Variants in TJP3 observed in about 807,000 individuals in gnomAD.
TJP3 encodes tight junction protein 3.
Under a neutral mutation model 104.2 loss-of-function variants are expected in TJP3, and 85 were observed. The ratio of observed to expected loss-of-function variants is 0.82; its 90% CI spans 0.68 to 0.98. The LOEUF (loss-of-function observed/expected upper bound fraction) is 0.98, where lower values mean the gene tolerates loss of function less well. Among genes scored for constraint, TJP3 ranks in the 50% least tolerant of loss-of-function variants. The probability of loss-of-function intolerance (pLI) is 0.00; values close to 1 mark genes in which losing one functional copy is unlikely to be tolerated. For missense variants in TJP3, 1,367 were observed against 1,322.8 expected (o/e 1.03, Z -0.52); for synonymous variants, 550 against 550.6 (o/e 1.00, Z 0.02).
intron 7 of TJP3, 158 bp from the exon 8 acceptor site, chr19:3,734,169 G>C: frequency 1.1e-6 from 1 of 900,336 alleles, no homozygotes; most frequent in Non-Finnish European, 1.7e-6. Context: ...TTATAGGCGT[G>C]AGCCACCGTG....
rs1477586046 is a variant in TJP3, at chr19:3,736,158, C to T, written c.1128-7C>T. ...TGCTCTGACCCCATCTCTGCCTCCC[C>T]TTGCAGGTACAGCCCCGACACGCGT... On this transcript the variant is annotated splice_region_variant and splice_polypyrimidine_tract_variant and intron_variant, in intron 10 of 20. Coordinates refer to ENST00000541714, the MANE Select transcript of TJP3 (RefSeq NM_001267560.2). 1 of 1,580,484 alleles carries T rather than the reference C, an allele frequency of 6.3e-7. No homozygotes were observed. The highest frequency in any genetic ancestry group is 2.2e-5 in the East Asian group (1 of 44,502).
chr19:3,746,210 G>A lies in TJP3; in HGVS notation c.2010+129G>A, dbSNP rs558457607. 11 of 990,764 alleles carry A rather than the reference G, an allele frequency of 1.1e-5. No individual in the cohort carries two copies. In the East Asian group the frequency reaches 1.3e-4, roughly 12 times the overall value. 61.4% of individuals were successfully genotyped at this position (990,764 alleles called of 1,614,324 possible). Reference sequence around the variant, plus strand: ...TGCAGTCTTCCATAGAGCCCCTTTTGGAGGCTTTGTGAGGCAGGAGGCCCG... The same window carrying A: ...TGCAGTCTTCCATAGAGCCCCTTTTAGAGGCTTTGTGAGGCAGGAGGCCCG... On this transcript the variant is annotated intron_variant, in intron 16 of 20. Coordinates refer to ENST00000541714, the MANE Select transcript of TJP3 (RefSeq NM_001267560.2). This position sits in a 1 kb window ranked among gnomAD's most constrained non-coding sequence, Gnocchi z 4.1.
chr19:3,743,954 C>G lies in TJP3; in HGVS notation c.1859C>G (p.Pro620Arg). 6.2e-7 allele frequency: 1 copy of G among 1,614,110 alleles called. No individual in the cohort carries two copies. Among genetic ancestry groups the G allele is most frequent in the Non-Finnish European group, 8.5e-7 (1 of 1,180,012 alleles). The change falls in exon 15 of 21, where the codon CCG (proline) becomes CGG (arginine). Residue 620 changes from proline to arginine, a missense_variant. Pro to Arg is a moderately radical substitution (Grantham distance 103, BLOSUM62 -2). Transcript: ENST00000541714. ...VVLREASFKR[P>R]VVILGPVADI... ...TACCCCTCAGCCAGTTTCAAGCGCC[C>G]GGTAGTGATCCTGGGACCCGTGGCC...
chr19:3,735,731 G>T, intron 9 of TJP3, 92 bp downstream of exon 9: 1 of 1,592,608 alleles, frequency 6.3e-7, no homozygotes, highest in Non-Finnish European at 8.6e-7. Context: ...GTTGGCCTGA[G>T]CCTAAGTGGT....
intron 15 of TJP3, among the ~76,000 whole-genome samples, 188 bp from the exon 16 acceptor site, chr19:3,745,823 G>C (rs2036879750): frequency 6.6e-6 from 1 of 152,228 alleles, no homozygotes; most frequent in Non-Finnish European, 1.5e-5. Context: ...AGGGGGCTGA[G>C]GTCAGGAGGG....
intron 1 of TJP3, among the ~76,000 whole-genome samples, chr19:3,714,978 A>C (rs2036463616): frequency 6.6e-6 from 1 of 152,246 alleles, no homozygotes; most frequent in Admixed American, 6.5e-5. Context: ...CAAATGAAGT[A>C]GATTGCTGAA....
Position 3,746,465 on chromosome 19 carries a change from C to T in TJP3, c.2011-20C>T, listed in dbSNP as rs762207544. The T allele has an allele frequency of 6.8e-6, 11 of 1,612,932 alleles. No homozygotes were observed. The highest frequency in any genetic ancestry group is 5.0e-5 in the Admixed American group (3 of 59,978). On this transcript the variant is annotated intron_variant, in intron 16 of 20. Coordinates refer to ENST00000541714, the MANE Select transcript of TJP3 (RefSeq NM_001267560.2). This position sits in a 1 kb window ranked among gnomAD's most constrained non-coding sequence, Gnocchi z 4.1. ...CCTGCTGCAATCCCCCTCACCCCAA[C>T]GTCCGCCGGCCTGGCCCAGGACAAG...
At chr19:3,726,172 C>T (rs554046444) in intron 1 of TJP3, among the ~76,000 whole-genome samples, 1 of 152,366 alleles carries the variant, frequency 6.6e-6, no homozygotes, top group East Asian at 1.9e-4. Context: ...ACTCCCTCCC[C>T]ACTCCCTCCA....
At chr19:3,732,208 T>G (rs1203046841) in intron 6 of TJP3, among the ~76,000 whole-genome samples, 170 bp downstream of exon 6, 1 of 152,150 alleles carries the variant, frequency 6.6e-6, no homozygotes, top group Non-Finnish European at 1.5e-5. Context: ...AACCCCCTTT[T>G]TCCCCAGCTA....
chr19:3,737,373 G>T (rs1046294843), intron 11 of TJP3, among the ~76,000 whole-genome samples: 1 of 152,078 alleles, frequency 6.6e-6, no homozygotes, highest in East Asian at 1.9e-4. Context: ...TGACCGTCTT[G>T]TATGTCCTAA....
intron 1 of TJP3, among the ~76,000 whole-genome samples, chr19:3,724,981 C>T (rs2036582508): frequency 6.6e-6 from 1 of 152,110 alleles, no homozygotes; most frequent in African/African-American, 2.4e-5. Context: ...AAGAGTGAGG[C>T]TGGGTGCGGT....
chr19:3,709,477 A>G (rs2036413895), intron 1 of TJP3, among the ~76,000 whole-genome samples: 2 of 152,164 alleles, frequency 1.3e-5, no homozygotes, highest in Non-Finnish European at 2.9e-5. Context: ...GCTCAGAGCC[A>G]GAGAGGGGAG....
chr19:3,719,995 C>T (rs1416249648), intron 1 of TJP3, among the ~76,000 whole-genome samples: 1 of 152,208 alleles, frequency 6.6e-6, no homozygotes, highest in Non-Finnish European at 1.5e-5. Flanking sequence ...ATCCTCCCAC[C>T]TGACTCTTCA....
chr19:3,718,253 GTGT>G (rs2036507924), intron 1 of TJP3, among the ~76,000 whole-genome samples: 1 of 54,574 alleles, frequency 1.8e-5, no homozygotes, highest in Non-Finnish European at 3.4e-5. Context: ...GTGTGTGTGT[GTGT>G]CTGTGTGTGT....
chr19:3,736,058 T>C (rs2036734794), intron 10 of TJP3, 107 bp from the exon 11 acceptor site: 1 of 1,516,542 alleles, frequency 6.6e-7, no homozygotes, highest in Admixed American at 1.9e-5. Context: ...GTGGGGGTTT[T>C]GGGGAAACTG....
intron 1 of TJP3, among the ~76,000 whole-genome samples, chr19:3,724,621 C>T (rs1057241176): frequency 6.6e-5 from 10 of 152,298 alleles, no homozygotes; most frequent in African/African-American, 2.2e-4. Context: ...ACTGCAGCCT[C>T]GACCTCCTGG....
At chr19:3,724,295 A>C (rs1293477927) in intron 1 of TJP3, among the ~76,000 whole-genome samples, 1 of 151,220 alleles carries the variant, frequency 6.6e-6, no homozygotes, top group Non-Finnish European at 1.5e-5. Context: ...TCCCAGGTTC[A>C]CGCCATTCTC....
At chr19:3,719,352 G>A (rs998353706) in intron 1 of TJP3, among the ~76,000 whole-genome samples, 1 of 152,166 alleles carries the variant, frequency 6.6e-6, no homozygotes, top group Non-Finnish European at 1.5e-5. Context: ...TCAGCATGGG[G>A]TCTTGGAAAG....
intron 1 of TJP3, among the ~76,000 whole-genome samples, chr19:3,725,457 G>C (rs1048614908): frequency 6.6e-6 from 1 of 151,794 alleles, no homozygotes; most frequent in African/African-American, 2.4e-5. Flanking sequence ...GAAATGAATG[G>C]GTCCACATCA....
Sources: allele counts gnomAD v4.1 joint callset (sites outside exome capture counted in the v4.1 genomes callset), GRCh38; gene constraint gnomAD v4.1.1; non-coding constraint Gnocchi (gnomAD v3.1); transcripts MANE v1.5; gene names NCBI Gene and HGNC (gene_info 2026-07-23, HGNC 2026-07-21).